The following PEPD variants were observed in gnomAD, a reference collection of about 807,000 sequenced individuals.
PEPD encodes the protein xaa-Pro dipeptidase.
Under a neutral mutation model 60.7 loss-of-function variants are expected in PEPD, and 53 were observed. The ratio of observed to expected loss-of-function variants is 0.87; its 90% CI spans 0.70 to 1.10. PEPD has a LOEUF of 1.10. Among genes scored for constraint, PEPD ranks in the 50% least tolerant of loss-of-function variants. The pLI is 0.00. For missense variants in PEPD, 711 were observed against 711.9 expected (o/e 1.00, Z 0.01); for synonymous variants, 267 against 284.1 (o/e 0.94, Z 0.60).
intron 7 of PEPD, among the ~76,000 whole-genome samples, chr19:33,471,234 C>T (rs1170450109): frequency 1.3e-5 from 2 of 152,142 alleles, no homozygotes; most frequent in African/African-American, 2.4e-5. Flanking sequence ...CTTAAATAGA[C>T]GTCTGCTGTG....
chr19:33,514,847 C>T (rs1322028899), intron 1 of PEPD, among the ~76,000 whole-genome samples: 1 of 152,042 alleles, frequency 6.6e-6, no homozygotes, highest in Non-Finnish European at 1.5e-5. Context: ...CTGTCTTCCT[C>T]CCTCTCCTCC....
In PEPD at chr19:33,490,036, C is replaced by A. The variant is rs759069264; in HGVS notation, c.463G>T (p.Gly155Cys). The A allele has an allele frequency of 1.2e-6, 2 of 1,612,560 alleles. No individual in the cohort carries two copies. The highest frequency in any genetic ancestry group is 1.1e-5 in the South Asian group (1 of 90,750). Residue 155 changes from glycine (G) to cysteine (C), a missense_variant, in exon 6 of 15, where the codon GGC (glycine) becomes TGC (cysteine). Transcript: ENST00000244137. ...LTLRGVNTDS[G>C]SVCREASFDG... Reference sequence around the variant, plus strand: ...AAGGAGGCCTCCCTGCAGACACTGCCGCTGTCCGTGTTGACGCCACGCTGG... The same window carrying A: ...AAGGAGGCCTCCCTGCAGACACTGCAGCTGTCCGTGTTGACGCCACGCTGG...
At chr19:33,482,180 T>G (rs1257580739) in intron 6 of PEPD, among the ~76,000 whole-genome samples, 1 of 151,976 alleles carries the variant, frequency 6.6e-6, no homozygotes. Context: ...GAGACAAAAA[T>G]TTTTCAACAA....
intron 9 of PEPD, among the ~76,000 whole-genome samples, chr19:33,430,137 C>T (rs143514283): frequency 8.5e-4 from 129 of 152,248 alleles, no homozygotes; most frequent in African/African-American, 3.1e-3. Context: ...CACTCCTCTC[C>T]GCTCCCCCTC....
chr19:33,453,099 A>C (rs1969726875), intron 9 of PEPD, among the ~76,000 whole-genome samples: 1 of 152,108 alleles, frequency 6.6e-6, no homozygotes, highest in Admixed American at 6.6e-5. Context: ...TGGCAGGAGG[A>C]TCGCTTGAGT....
intron 9 of PEPD, among the ~76,000 whole-genome samples, chr19:33,441,010 C>G (rs1231535690): frequency 6.6e-6 from 1 of 152,178 alleles, no homozygotes; most frequent in Non-Finnish European, 1.5e-5. Context: ...GGGAGAGGAT[C>G]GGGAGACCCA....
At chr19:33,392,153 G>GC (rs35060776) in intron 12 of PEPD, among the ~76,000 whole-genome samples, 32,421 of 152,166 alleles carry the variant, frequency 0.21, 4,158 homozygotes, top group African/African-American at 0.37. Flanking sequence ...CTCCAGGGGA[G>GC]CCAGATGTCC....
intron 1 of PEPD, among the ~76,000 whole-genome samples, chr19:33,517,853 G>C (rs931518496): frequency 2.6e-5 from 4 of 151,574 alleles, no homozygotes; most frequent in African/African-American, 9.7e-5. Flanking sequence ...TGTAATCCCA[G>C]CTACTCGGGA....
At chr19:33,423,429 A>T (rs1169283121) in intron 9 of PEPD, among the ~76,000 whole-genome samples, 1 of 152,212 alleles carries the variant, frequency 6.6e-6, no homozygotes, top group African/African-American at 2.4e-5. Flanking sequence ...CCAAATGCAC[A>T]TTTCCAATTC....
At chr19:33,422,056 A>G (rs1196669365) in intron 9 of PEPD, among the ~76,000 whole-genome samples, 1 of 152,018 alleles carries the variant, frequency 6.6e-6, no homozygotes, top group Admixed American at 6.6e-5. Flanking sequence ...CCGGCTTCCC[A>G]TCGGCAGCCC....
intron 9 of PEPD, among the ~76,000 whole-genome samples, chr19:33,449,972 C>T (rs1261994390): frequency 6.6e-6 from 1 of 152,204 alleles, no homozygotes; most frequent in African/African-American, 2.4e-5. Flanking sequence ...GCATGTGATG[C>T]CCCCGCTTGG....
At chr19:33,482,819 A>AT (rs1284474439) in intron 6 of PEPD, among the ~76,000 whole-genome samples, 2 of 152,230 alleles carry the variant, frequency 1.3e-5, no homozygotes, top group Non-Finnish European at 2.9e-5. Context: ...AGAAAAAAAT[A>AT]TTTTTCAGCC....
At chr19:33,406,933 A>C (rs997176749) in intron 11 of PEPD, among the ~76,000 whole-genome samples, 12 of 151,826 alleles carry the variant, frequency 7.9e-5, no homozygotes, top group African/African-American at 2.4e-4. Context: ...CTGGCCACCC[A>C]CCCCCCATGC....
chr19:33,503,002 G>A (rs910864019), intron 3 of PEPD, among the ~76,000 whole-genome samples: 6 of 151,242 alleles, frequency 4.0e-5, no homozygotes, highest in African/African-American at 7.3e-5. Flanking sequence ...AGAACCCCAC[G>A]GAACACGGTG....
chr19:33,399,115 A>C (rs568438624), intron 12 of PEPD, among the ~76,000 whole-genome samples: 1 of 152,158 alleles, frequency 6.6e-6, no homozygotes, highest in South Asian at 2.1e-4. Flanking sequence ...TGGCCTCCCG[A>C]GTAGCTGGGA....
intron 9 of PEPD, among the ~76,000 whole-genome samples, chr19:33,421,612 T>A (rs1359584884): frequency 6.6e-6 from 1 of 152,036 alleles, no homozygotes; most frequent in African/African-American, 2.4e-5. Context: ...CCCTTCAGTT[T>A]CCTGAGTAGC....
At chr19:33,422,568 ATATCTACC>A (rs1969042938) in intron 9 of PEPD, among the ~76,000 whole-genome samples, 1 of 150,390 alleles carries the variant, frequency 6.6e-6, no homozygotes, top group South Asian at 2.1e-4. Context: ...CCATCACTCT[ATATCTACC>A]TATCTACCTA....
intron 7 of PEPD, among the ~76,000 whole-genome samples, chr19:33,474,210 C>A (rs1360016399): frequency 6.6e-6 from 1 of 152,222 alleles, no homozygotes; most frequent in African/African-American, 2.4e-5. Context: ...ATGACTGACA[C>A]TCAGGCAGCC....
intron 1 of PEPD, 89 bp downstream of exon 1, chr19:33,521,655 C>G: frequency 7.2e-7 from 1 of 1,395,228 alleles, no homozygotes; most frequent in Non-Finnish European, 9.9e-7. Flanking sequence ...TTCAGCGACC[C>G]CGGCTGACGC....
Sources: gnomAD v4.1 joint callset for allele counts (sites outside exome capture counted in the v4.1 genomes callset) on GRCh38, gnomAD v4.1.1 for gene constraint, MANE v1.5 for transcripts, NCBI Gene and HGNC (gene_info 2026-07-23, HGNC 2026-07-21) for gene names.